AJAP1: variants seen among roughly 807,000 people sequenced by gnomAD.
The protein encoded by AJAP1 is adherens junctions associated protein 1, also known as adherens junction-associated protein 1.
In AJAP1, 5 loss-of-function variants were observed where a neutral mutation model predicts 35.0. The observed-to-expected ratio is 0.14, with a 90% CI of 0.07 to 0.30. The LOEUF (loss-of-function observed/expected upper bound fraction) is 0.30, where lower values mean the gene tolerates loss of function less well. Among genes scored for constraint, AJAP1 ranks in the 10% least tolerant of loss-of-function variants. The probability of loss-of-function intolerance (pLI) is 1.00; values close to 1 mark genes in which losing one functional copy is unlikely to be tolerated. For missense variants in AJAP1, 586 were observed against 571.0 expected (o/e 1.03, Z -0.27); for synonymous variants, 284 against 249.3 (o/e 1.14, Z -1.31).
Position 4,723,283 on chromosome 1 carries a change from G to T in AJAP1, c.829+10584G>T, listed in dbSNP as rs867540041. On this transcript the variant is annotated intron_variant, in intron 2 of 5. Transcript: ENST00000378191. This position sits in a 1 kb window ranked among gnomAD's most constrained non-coding sequence, Gnocchi z 4.3. Reference sequence around the variant, plus strand: ...GTGACATCCAGCCACCCTGGCGGCCGTCCAAGGGGAGCGCCTGTGGATACT... The same window carrying T: ...GTGACATCCAGCCACCCTGGCGGCCTTCCAAGGGGAGCGCCTGTGGATACT... Among the ~76,000 whole-genome samples, 2 of 152,206 alleles carry T rather than the reference G, an allele frequency of 1.3e-5. No homozygotes were observed. Among genetic ancestry groups the T allele is most frequent in the Non-Finnish European group, 2.9e-5 (2 of 68,042 alleles).
At chr1:4,691,049 C>T (rs1212847691) in intron 1 of AJAP1, among the ~76,000 whole-genome samples, 1 of 152,190 alleles carries the variant, frequency 6.6e-6, no homozygotes, top group Non-Finnish European at 1.5e-5. Context: ...AGGAGGGCCA[C>T]TGAGCGAGAT....
chr1:4,760,874 A>G (rs977606890), intron 2 of AJAP1, among the ~76,000 whole-genome samples: 3 of 152,034 alleles, frequency 2.0e-5, no homozygotes, highest in African/African-American at 7.2e-5. Flanking sequence ...TAAAGTGCCC[A>G]CTCTGGGATT....
rs184724101 is a variant in AJAP1, at chr1:4,703,694, T to C, written c.30-8206T>C. On this transcript the variant is annotated intron_variant, in intron 1 of 5. Transcript: ENST00000378191. ...GCCCAAGGTACTTGAAGTTTTATCC[T>C]ATCCAAAGATCAGGGGTTGGGTATG... Among the ~76,000 whole-genome samples, 8 of 152,306 alleles carry C rather than the reference T, an allele frequency of 5.3e-5. No individual in the cohort carries two copies. In the East Asian group the frequency reaches 1.3e-3, roughly 26 times the overall value.
intron 2 of AJAP1, among the ~76,000 whole-genome samples, chr1:4,766,464 G>C (rs1156983659): frequency 1.3e-5 from 2 of 152,290 alleles, no homozygotes; most frequent in South Asian, 2.1e-4. Flanking sequence ...CTACCAAAGA[G>C]AGGAAATAAT....
At position 4,772,300 on chromosome 1, in the gene AJAP1, C is replaced by T. The variant is rs1641852800; in HGVS notation, c.938C>T (p.Thr313Ile). 8 of 1,614,004 alleles carry T rather than the reference C, an allele frequency of 5.0e-6. No homozygotes were observed. The highest frequency in any genetic ancestry group is 1.3e-5 in the African/African-American group (1 of 74,906). The change falls in exon 4 of 6, where the codon ACT (threonine) becomes ATT (isoleucine). Residue 313 changes from threonine (T) to isoleucine (I), a missense_variant. By Grantham distance (89) the Thr-to-Ile change is moderately conservative. Coordinates refer to ENST00000378191, the MANE Select transcript of AJAP1 (RefSeq NM_018836.4). ...LKNCCAQSGN[T>I]RRNSHQRKTN... Reference sequence around the variant, plus strand: ...TCCAGCTGTGCCCAAAGCGGGAACACTCGTCGGAACAGCCACCAGCGGAAG... The same window carrying T: ...TCCAGCTGTGCCCAAAGCGGGAACATTCGTCGGAACAGCCACCAGCGGAAG...
intron 2 of AJAP1, among the ~76,000 whole-genome samples, chr1:4,730,992 A>T (rs1033111793): frequency 3.3e-5 from 5 of 152,066 alleles, no homozygotes; most frequent in African/African-American, 1.2e-4. Flanking sequence ...TTAAAAGGAG[A>T]TTGCAAATGT....
At chr1:4,694,109 G>A (rs1452191496) in intron 1 of AJAP1, among the ~76,000 whole-genome samples, 2 of 152,210 alleles carry the variant, frequency 1.3e-5, no homozygotes, top group East Asian at 1.9e-4. Flanking sequence ...ACTGGGCCCC[G>A]TAAAGCTGGG....
At chr1:4,695,818 G>A (rs571541605) in intron 1 of AJAP1, among the ~76,000 whole-genome samples, 13 of 152,100 alleles carry the variant, frequency 8.5e-5, no homozygotes, top group Non-Finnish European at 1.6e-4. Context: ...CCCTTTCTCC[G>A]AATGCAGTCA....
chr1:4,782,218 C>T lies in AJAP1; in HGVS notation c.*60-327C>T, dbSNP rs543708359. On this transcript the variant is annotated intron_variant, in intron 5 of 5. Coordinates refer to ENST00000378191, the MANE Select transcript of AJAP1 (RefSeq NM_018836.4). This position sits in a 1 kb window ranked among gnomAD's most constrained non-coding sequence, Gnocchi z 5.3. ...CGCCTGGGACCGGATGCCCCGGCACCCCCACCATGAGTTAGCGGAGGGGGT... is the reference window on the plus strand; with the variant it reads ...CGCCTGGGACCGGATGCCCCGGCACTCCCACCATGAGTTAGCGGAGGGGGT... Among the ~76,000 whole-genome samples the T allele has an allele frequency of 3.4e-4, 51 of 152,158 alleles. No individual in the cohort carries two copies. Among genetic ancestry groups the T allele is most frequent in the Non-Finnish European group, 5.3e-4 (36 of 68,034 alleles).
intron 1 of AJAP1, among the ~76,000 whole-genome samples, chr1:4,673,579 G>T (rs1265166372): frequency 6.6e-6 from 1 of 152,164 alleles, no homozygotes; most frequent in East Asian, 1.9e-4. Flanking sequence ...AGCCTCCACT[G>T]ACTCATTCCT....
Position 4,712,676 on chromosome 1 carries a change from C to G in AJAP1, c.806C>G (p.Pro269Arg), listed in dbSNP as rs1467035309. Residue 269 changes from proline (P) to arginine (R), a missense_variant, in exon 2 of 6, where the codon CCA (proline) becomes CGA (arginine). Pro to Arg is a moderately radical substitution (Grantham distance 103). Coordinates refer to ENST00000378191, the MANE Select transcript of AJAP1 (RefSeq NM_018836.4). The part of the protein sequence containing the change: ...PSNNGEVTQP[P>R]RILGEASGLA... The stretch of plus-strand genomic sequence containing the variant: ...AACAACGGGGAAGTCACCCAGCCCC[C>G]AAGGATTCTGGGGGAGGCCTCAGGT... 6.6e-7 allele frequency: 1 copy of G among 1,517,922 alleles called. No individual in the cohort carries two copies. Among genetic ancestry groups the G allele is most frequent in the African/African-American group, 1.4e-5 (1 of 71,978 alleles). 94.0% of individuals were successfully genotyped at this position (1,517,922 alleles called of 1,614,324 possible).
chr1:4,751,762 G>A (rs997006015), intron 2 of AJAP1, among the ~76,000 whole-genome samples: 12 of 152,238 alleles, frequency 7.9e-5, no homozygotes, highest in African/African-American at 2.7e-4. Flanking sequence ...TGAAACACAA[G>A]CCAAGGGAGA....
intron 2 of AJAP1, among the ~76,000 whole-genome samples, chr1:4,759,498 C>A (rs992954484): frequency 6.6e-6 from 1 of 152,198 alleles, no homozygotes; most frequent in Non-Finnish European, 1.5e-5. Flanking sequence ...TGCCCAGCCC[C>A]GTGTCTTCTG....
intron 2 of AJAP1, among the ~76,000 whole-genome samples, chr1:4,759,630 C>T (rs1641519271): frequency 6.6e-6 from 1 of 152,198 alleles, no homozygotes; most frequent in Admixed American, 6.5e-5. Flanking sequence ...CCTTCCATGG[C>T]TTCTCCCACC....
chr1:4,662,878 G>C (rs1469965412), intron 1 of AJAP1, among the ~76,000 whole-genome samples: 1 of 152,242 alleles, frequency 6.6e-6, no homozygotes, highest in African/African-American at 2.4e-5. Context: ...GTATAAAGGG[G>C]AATATTTTGA....
rs553844963 is a variant in AJAP1, at chr1:4,769,795, C to G, written c.830-58C>G. The G allele has an allele frequency of 1.5e-4, 228 of 1,474,096 alleles. No homozygotes were observed. In the African/African-American group the frequency reaches 2.6e-3, roughly 17 times the overall value. The allele number at this position is 1,474,096 out of a possible 1,614,324, so 91.3% of individuals were successfully genotyped here. A position where few individuals can be genotyped will look rare whatever the true frequency, so the allele number is the denominator to read the frequency against. On this transcript the variant is annotated intron_variant, in intron 2 of 5. Coordinates refer to ENST00000378191, the MANE Select transcript of AJAP1 (RefSeq NM_018836.4). ...GATGCACCTCCACCTTTCCCGGCCC[C>G]CCTCGCCTCCTGAACCTGGTTTCAC...
At chr1:4,690,262 C>T (rs1639709045) in intron 1 of AJAP1, among the ~76,000 whole-genome samples, 1 of 152,164 alleles carries the variant, frequency 6.6e-6, no homozygotes, top group South Asian at 2.1e-4. Flanking sequence ...GTCACCAGGG[C>T]CTGTTCCTGA....
intron 1 of AJAP1, among the ~76,000 whole-genome samples, chr1:4,704,157 G>GTT (rs34590919): frequency 0.035 from 5,030 of 145,248 alleles, 211 homozygotes; most frequent in African/African-American, 0.11. Context: ...AAACGGGGAA[G>GTT]TTTTTTTTTT....
chr1:4,767,714 A>G (rs997521898), intron 2 of AJAP1, among the ~76,000 whole-genome samples: 2 of 115,848 alleles, frequency 1.7e-5, no homozygotes, highest in African/African-American at 6.3e-5. Context: ...CATTACCATC[A>G]TCACCACCAT....
Sources: allele counts gnomAD v4.1 joint callset (sites outside exome capture counted in the v4.1 genomes callset), GRCh38; gene constraint gnomAD v4.1.1; non-coding constraint Gnocchi (gnomAD v3.1); transcripts MANE v1.5; gene names NCBI Gene and HGNC (gene_info 2026-07-23, HGNC 2026-07-21).